HAS3: variants seen among roughly 807,000 people sequenced by gnomAD.
HAS3 encodes the protein HA synthase 3.
In HAS3, 27 loss-of-function variants were observed where a neutral mutation model predicts 50.3. The ratio of observed to expected loss-of-function variants is 0.54; its 90% CI spans 0.40 to 0.74. The LOEUF (loss-of-function observed/expected upper bound fraction) is 0.74, where lower values mean the gene tolerates loss of function less well. HAS3 is among the 30% of genes least tolerant of loss of function. The probability of loss-of-function intolerance (pLI) is 0.00; values close to 1 mark genes in which losing one functional copy is unlikely to be tolerated. For missense variants in HAS3, 517 were observed against 742.8 expected (o/e 0.70, Z 3.53); for synonymous variants, 339 against 310.9 (o/e 1.09, Z -0.95).
At chr16:69,113,609 G>A in intron 3 of HAS3, 67 bp downstream of exon 3, 1 of 953,336 alleles carries the variant, frequency 1.0e-6, no homozygotes, top group Non-Finnish European at 1.6e-6. Flanking sequence ...AATTGGATAT[G>A]CCTGGGAAAT....
Position 69,109,942 on chromosome 16 carries a change from T to C in HAS3, c.547T>C (p.Phe183Leu). The C allele has an allele frequency of 6.2e-7, 1 of 1,614,020 alleles. No individual in the cohort carries two copies. The highest frequency in any genetic ancestry group is 8.5e-7 in the Non-Finnish European group (1 of 1,179,952). ...GCGGGATGTGGTGCGGGCCAGCACCTTCTCGTGCATCATGCAGAAGTGGGG... is the reference window on the plus strand; with the variant it reads ...GCGGGATGTGGTGCGGGCCAGCACCCTCTCGTGCATCATGCAGAAGTGGGG... The part of the protein sequence containing the change: ...RVRDVVRAST[F>L]SCIMQKWGGK... The change falls in exon 2 of 4, where the codon TTC (phenylalanine) becomes CTC (leucine). Residue 183 changes from phenylalanine to leucine, a missense_variant. By Grantham distance (22) the Phe-to-Leu change is conservative. Transcript: ENST00000569188. The surrounding 1 kb of genome is among the most constrained non-coding windows in gnomAD (Gnocchi z 5.3).
upstream of HAS3, among the ~76,000 whole-genome samples, chr16:69,104,081 G>A (rs1056503826): frequency 1.3e-5 from 2 of 152,034 alleles, no homozygotes; most frequent in Non-Finnish European, 2.9e-5. Context: ...GAGGCGGAAG[G>A]GCTGCTGGAG....
At chr16:69,118,273 C>A, downstream of HAS3, 1 of 870,914 alleles carries the variant, frequency 1.1e-6, no homozygotes, top group East Asian at 2.5e-5. Context: ...AAGGGAGCTG[C>A]AGGCCCAGTC....
At chr16:69,102,106 T>A (rs183447136), upstream of HAS3, among the ~76,000 whole-genome samples, 39 of 152,254 alleles carry the variant, frequency 2.6e-4, no homozygotes, top group Non-Finnish European at 4.4e-4. Context: ...CTCAAGCACA[T>A]TTGTCTTCAA....
intron 2 of HAS3, 140 bp downstream of exon 2, chr16:69,110,171 G>C: frequency 1.2e-6 from 1 of 848,124 alleles, no homozygotes; most frequent in Non-Finnish European, 1.8e-6. Flanking sequence ...CAACAAGGTG[G>C]CCGGGCGCGG....
Position 69,109,686 on chromosome 16 carries a change from C to T in HAS3, c.291C>T (p.Asp97=), listed in dbSNP as rs1266865868. Residue 97 remains aspartate (D), a synonymous_variant, in exon 2 of 4, where the codon GAC becomes GAT. Coordinates refer to ENST00000569188, the MANE Select transcript of HAS3 (RefSeq NM_001199280.2). This position sits in a 1 kb window ranked among gnomAD's most constrained non-coding sequence, Gnocchi z 5.3. ...VALCIAAYQE[D]PDYLRKCLRS... ...TGTGCATTGCCGCATACCAGGAGGACCCTGACTACTTGCGCAAGTGCCTGC... is the reference window on the plus strand; with the variant it reads ...TGTGCATTGCCGCATACCAGGAGGATCCTGACTACTTGCGCAAGTGCCTGC... 14 of 1,610,158 alleles carry T rather than the reference C, an allele frequency of 8.7e-6. No homozygotes were observed. Among genetic ancestry groups the T allele is most frequent in the African/African-American group, 1.3e-5 (1 of 74,944 alleles).
rs1285036062 is a variant in HAS3, at chr16:69,114,390, G to A, written c.786G>A (p.Arg262=). 11 of 1,610,282 alleles carry A rather than the reference G, an allele frequency of 6.8e-6. No individual in the cohort carries two copies. Among genetic ancestry groups the A allele is most frequent in the Non-Finnish European group, 9.3e-6 (11 of 1,179,964 alleles). ...DSWISFLSSV[R]YWMAFNVERA... ...GGATTTCCTTCCTGAGCAGCGTGCG[G>A]TACTGGATGGCCTTCAACGTGGAGC... The change falls in exon 4 of 4, where the codon CGG becomes CGA. Residue 262 remains arginine, a synonymous_variant. Transcript: ENST00000569188. The surrounding 1 kb of genome is among the most constrained non-coding windows in gnomAD (Gnocchi z 6.4).
the HAS3 span, among the ~76,000 whole-genome samples, chr16:69,086,120 G>A: frequency 1.3e-5 from 2 of 151,198 alleles, no homozygotes; most frequent in Admixed American, 6.6e-5. Context: ...CTCCTTACTC[G>A]GTTTCCTAAA....
At chr16:69,093,272 G>A in the HAS3 span, among the ~76,000 whole-genome samples, 1 of 151,856 alleles carries the variant, frequency 6.6e-6, no homozygotes, top group East Asian at 1.9e-4. Flanking sequence ...GTGCAGTGGC[G>A]CAATCTCGGC....
chr16:69,107,344 C>T lies in HAS3; in HGVS notation c.-1+1557C>T, dbSNP rs1308220407. 58 of 983,934 alleles carry T rather than the reference C, an allele frequency of 5.9e-5. No individual in the cohort carries two copies. The highest frequency in any genetic ancestry group is 6.8e-5 in the Non-Finnish European group (56 of 828,660). The allele number at this position is 983,934 out of a possible 1,614,324, so 61.0% of individuals were successfully genotyped here. A position where few individuals can be genotyped will look rare whatever the true frequency, so the allele number is the denominator to read the frequency against. On this transcript the variant is annotated intron_variant, in intron 1 of 3. Transcript: ENST00000569188. This position sits in a 1 kb window ranked among gnomAD's most constrained non-coding sequence, Gnocchi z 5.5. The stretch of plus-strand genomic sequence containing the variant: ...GCCCAGGGAAGGAGAGGGCCGGCTA[C>T]ACCGGGGATGCGCCTTTGTCTACAG...
chr16:69,083,642 A>T, the HAS3 span: 10 of 1,564,160 alleles, frequency 6.4e-6, no homozygotes, highest in African/African-American at 6.8e-5. Flanking sequence ...CTGGAGAAGA[A>T]GATCATGGTC....
chr16:69,118,237 A>C, downstream of HAS3: 1 of 704,282 alleles, frequency 1.4e-6, no homozygotes, highest in Non-Finnish European at 2.6e-6. Flanking sequence ...GGGGCCTTAA[A>C]TCTGGCCACC....
chr16:69,085,240 T>C, the HAS3 span: 2 of 152,362 alleles, frequency 1.3e-5, no homozygotes, highest in Admixed American at 6.5e-5. Context: ...ACAATCCATT[T>C]TACTTACAAC....
In HAS3 at chr16:69,107,261, TTGGGGG is replaced by T; in HGVS notation, c.-1+1482_-1+1487del. 1 of 869,954 alleles carries T rather than the reference TTGGGGG, an allele frequency of 1.1e-6. No individual in the cohort carries two copies. The highest frequency in any genetic ancestry group is 1.4e-6 in the Non-Finnish European group (1 of 726,846). 53.9% of individuals were successfully genotyped at this position (869,954 alleles called of 1,614,324 possible). The stretch of plus-strand genomic sequence containing the variant: ...TGAGGGACATTTTGGGGGCCTCTAT[TTGGGGG>T]TGGGGGTAGTAACCTGGGTAATGCC... On this transcript the variant is annotated intron_variant, in intron 1 of 3. Transcript: ENST00000569188. The surrounding 1 kb of genome is among the most constrained non-coding windows in gnomAD (Gnocchi z 5.5).
Position 69,115,483 on chromosome 16 carries a change from G to A in HAS3, c.*217G>A, listed in dbSNP as rs1961151941. ...ATCCCCCAGATGCAGGGCTGCAGGG[G>A]ATTCTGTGTTTTCAGACTGCCTGTC... On this transcript the variant is annotated 3_prime_UTR_variant, in exon 4 of 4. Transcript: ENST00000569188. The A allele has an allele frequency of 7.9e-7, 1 of 1,265,960 alleles. No homozygotes were observed. The highest frequency in any genetic ancestry group is 9.9e-7 in the Non-Finnish European group (1 of 1,008,212). 78.4% of individuals were successfully genotyped at this position (1,265,960 alleles called of 1,614,324 possible). A position where few individuals can be genotyped will look rare whatever the true frequency, so the allele number is the denominator to read the frequency against.
the HAS3 span, among the ~76,000 whole-genome samples, chr16:69,087,780 G>A: frequency 7.0e-6 from 1 of 143,312 alleles, no homozygotes; most frequent in Non-Finnish European, 1.5e-5. Flanking sequence ...TTGGCTCACT[G>A]CAGCATCCGC....
In HAS3 at chr16:69,113,431, C is replaced by T. The variant is rs756004820; in HGVS notation, c.637-10C>T. 1.9e-6 allele frequency: 3 copies of T among 1,600,344 alleles called. No homozygotes were observed. Among genetic ancestry groups the T allele is most frequent in the Non-Finnish European group, 2.6e-6 (3 of 1,167,662 alleles). On this transcript the variant is annotated splice_polypyrimidine_tract_variant and intron_variant, in intron 2 of 3. Coordinates refer to ENST00000569188, the MANE Select transcript of HAS3 (RefSeq NM_001199280.2). Reference sequence around the variant, plus strand: ...GGTCAGAATGGGCTGACGACGCACTCCCTCTGCAGGTGTGCGACTCTGACA... The same window carrying T: ...GGTCAGAATGGGCTGACGACGCACTTCCTCTGCAGGTGTGCGACTCTGACA...
the HAS3 span, among the ~76,000 whole-genome samples, chr16:69,088,329 G>A: frequency 6.6e-6 from 1 of 152,026 alleles, no homozygotes; most frequent in African/African-American, 2.4e-5. Context: ...GGAGGCTGAG[G>A]CAGGCGGATC....
the HAS3 span, chr16:69,083,531 T>C: frequency 6.2e-7 from 1 of 1,612,532 alleles, no homozygotes; most frequent in Non-Finnish European, 8.5e-7. Flanking sequence ...CTGAAGCACG[T>C]AGTGTGTCTG....
Sources: allele counts gnomAD v4.1 joint callset (sites outside exome capture counted in the v4.1 genomes callset), GRCh38; gene constraint gnomAD v4.1.1; non-coding constraint Gnocchi (gnomAD v3.1); transcripts MANE v1.5; gene names NCBI Gene and HGNC (gene_info 2026-07-23, HGNC 2026-07-21).